TBC1D22A: variants seen among roughly 807,000 people sequenced by gnomAD.
TBC1D22A encodes TBC1 domain family member 22A.
TBC1D22A carries 38 observed loss-of-function variants against 60.2 expected under a neutral mutation model. The observed-to-expected ratio is 0.63, with a 90% CI of 0.49 to 0.83. TBC1D22A has a LOEUF of 0.83. TBC1D22A is among the 40% of genes least tolerant of loss of function. The pLI is 0.00. For synonymous variants in TBC1D22A, 302 were observed against 281.7 expected (o/e 1.07, Z -0.72); for missense variants, 628 against 701.0 (o/e 0.90, Z 1.18).
chr22:47,105,431 C>T (rs769257031), intron 11 of TBC1D22A, among the ~76,000 whole-genome samples: 1 of 152,182 alleles, frequency 6.6e-6, no homozygotes, highest in Admixed American at 6.5e-5. Context: ...AGGGGAGCAA[C>T]ATCAAAGCTG....
At chr22:46,997,949 G>A (rs2075176976) in intron 10 of TBC1D22A, among the ~76,000 whole-genome samples, 1 of 152,158 alleles carries the variant, frequency 6.6e-6, no homozygotes. Flanking sequence ...TGCACCCAAA[G>A]CAGGCAGTGC....
At chr22:46,835,986 C>T (rs2086500426) in intron 4 of TBC1D22A, among the ~76,000 whole-genome samples, 1 of 151,928 alleles carries the variant, frequency 6.6e-6, no homozygotes, top group Admixed American at 6.6e-5. Context: ...CAATACCCAG[C>T]AAAGCTGTCC....
At chr22:47,095,301 A>G (rs2065130419) in intron 11 of TBC1D22A, among the ~76,000 whole-genome samples, 2 of 152,270 alleles carry the variant, frequency 1.3e-5, no homozygotes, top group African/African-American at 4.8e-5. Flanking sequence ...GTAAATACGC[A>G]TATGCGGGGA....
chr22:46,795,804 C>A (rs966439971), intron 3 of TBC1D22A, among the ~76,000 whole-genome samples: 3 of 152,204 alleles, frequency 2.0e-5, no homozygotes, highest in African/African-American at 7.2e-5. Context: ...CTGATGAAAC[C>A]ACATCAGTCA....
At chr22:47,091,461 G>C (rs113237510) in intron 11 of TBC1D22A, among the ~76,000 whole-genome samples, 1 of 116,464 alleles carries the variant, frequency 8.6e-6, no homozygotes, top group African/African-American at 3.3e-5. Flanking sequence ...AGACAGGCAC[G>C]AGAAGTCGTC....
At chr22:46,785,835 T>C (rs1162645749) in intron 1 of TBC1D22A, among the ~76,000 whole-genome samples, 1 of 152,228 alleles carries the variant, frequency 6.6e-6, no homozygotes, top group South Asian at 2.1e-4. Flanking sequence ...AGTGCAGTTT[T>C]GCCAACATGG....
intron 12 of TBC1D22A, among the ~76,000 whole-genome samples, chr22:47,142,804 C>T (rs2067156704): frequency 8.5e-6 from 1 of 117,666 alleles, no homozygotes; most frequent in Non-Finnish European, 1.8e-5. Context: ...ACCCACCCAC[C>T]CACTCATCCA....
intron 4 of TBC1D22A, among the ~76,000 whole-genome samples, chr22:46,855,037 T>G (rs2087497611): frequency 6.6e-6 from 1 of 152,248 alleles, no homozygotes; most frequent in Non-Finnish European, 1.5e-5. Flanking sequence ...TTTCTTTGCC[T>G]GGACTGTGTC....
At chr22:47,102,646 C>T (rs559500844) in intron 11 of TBC1D22A, among the ~76,000 whole-genome samples, 2 of 152,148 alleles carry the variant, frequency 1.3e-5, no homozygotes, top group African/African-American at 2.4e-5. Flanking sequence ...GCTCTGTTTT[C>T]CCCCAGTGCT....
At chr22:47,016,086 C>T (rs1386338110) in intron 10 of TBC1D22A, among the ~76,000 whole-genome samples, 2 of 152,186 alleles carry the variant, frequency 1.3e-5, no homozygotes, top group Non-Finnish European at 2.9e-5. Context: ...TGGTTCTGTC[C>T]CGGCACGCTT....
chr22:47,112,669 C>T (rs759910904), intron 12 of TBC1D22A, among the ~76,000 whole-genome samples: 2 of 152,196 alleles, frequency 1.3e-5, no homozygotes, highest in African/African-American at 2.4e-5. Flanking sequence ...GAACCCAGCC[C>T]GGGTGTTCGC....
intron 4 of TBC1D22A, among the ~76,000 whole-genome samples, chr22:46,862,446 C>T (rs1209425117): frequency 6.6e-6 from 1 of 152,154 alleles, no homozygotes; most frequent in Non-Finnish European, 1.5e-5. Context: ...TCCTCAGCCC[C>T]CTCTTGCTTC....
chr22:47,042,304 C>T (rs899620164), intron 11 of TBC1D22A, among the ~76,000 whole-genome samples: 1 of 152,204 alleles, frequency 6.6e-6, no homozygotes, highest in South Asian at 2.1e-4. Context: ...CACTGCCAGT[C>T]CACATCTCTG....
At chr22:47,049,019 T>G (rs2063117530) in intron 11 of TBC1D22A, among the ~76,000 whole-genome samples, 1 of 152,254 alleles carries the variant, frequency 6.6e-6, no homozygotes, top group South Asian at 2.1e-4. Context: ...TGGCCTCCTG[T>G]GTCCCCAGCA....
At chr22:46,766,662 A>G (rs1028946088) in intron 1 of TBC1D22A, among the ~76,000 whole-genome samples, 4 of 152,136 alleles carry the variant, frequency 2.6e-5, no homozygotes, top group Admixed American at 1.3e-4. Flanking sequence ...CTGCTGCCAA[A>G]GTAACTGGGA....
chr22:47,136,712 G>A (rs1000200774), intron 12 of TBC1D22A, among the ~76,000 whole-genome samples: 9 of 152,222 alleles, frequency 5.9e-5, no homozygotes, highest in African/African-American at 1.9e-4. Flanking sequence ...CCCTGAGCTT[G>A]TGCATGCCCC....
intron 4 of TBC1D22A, among the ~76,000 whole-genome samples, chr22:46,868,780 CCTCTCAGTTTAATTTTT>C (rs1602234802): frequency 6.6e-6 from 1 of 152,208 alleles, no homozygotes; most frequent in East Asian, 1.9e-4. Flanking sequence ...CCTTCCCCAT[CCTCTCAGTTTAATTTTT>C]GGTGACATTG....
At chr22:46,853,764 GCACT>G (rs954472127) in intron 4 of TBC1D22A, among the ~76,000 whole-genome samples, 1 of 152,170 alleles carries the variant, frequency 6.6e-6, no homozygotes, top group Non-Finnish European at 1.5e-5. Flanking sequence ...TACTTACTGA[GCACT>G]CACTCGAGGC....
intron 4 of TBC1D22A, among the ~76,000 whole-genome samples, chr22:46,840,253 A>G (rs550143622): frequency 3.2e-4 from 48 of 152,356 alleles, no homozygotes; most frequent in African/African-American, 1.1e-3. Flanking sequence ...CAACAGCAAA[A>G]ATGAAAACCA....
Sources: allele counts gnomAD v4.1 joint callset (sites outside exome capture counted in the v4.1 genomes callset), GRCh38; gene constraint gnomAD v4.1.1; transcripts MANE v1.5; gene names NCBI Gene and HGNC (gene_info 2026-07-23, HGNC 2026-07-21).